NUAK1: variants seen among roughly 807,000 people sequenced by gnomAD.
NUAK1 encodes NUAK family kinase 1.
A neutral mutation model predicts 56.9 loss-of-function variants in NUAK1; 26 were observed. The ratio of observed to expected loss-of-function variants is 0.46; its 90% confidence interval spans 0.33 to 0.63. The LOEUF (loss-of-function observed/expected upper bound fraction) is 0.63, where lower values mean the gene tolerates loss of function less well. Ranked by LOEUF, NUAK1 falls within the 30% of genes least tolerant of loss-of-function variation. The probability of loss-of-function intolerance (pLI) is 0.02; values close to 1 mark genes in which losing one functional copy is unlikely to be tolerated. For missense variants in NUAK1, 727 were observed against 876.1 expected, an observed-to-expected ratio of 0.83 and a Z score of 2.15; for synonymous variants, 337 against 336.0, an observed-to-expected ratio of 1.00 and a Z score of -0.03.
chr12:106,116,976 G>C (rs1039488579), intron 1 of NUAK1, among the ~76,000 whole-genome samples: 1 of 152,150 alleles, frequency 6.6e-6, no homozygotes, highest in Non-Finnish European at 1.5e-5. Context: ...TTCTGGATAA[G>C]GCATTGATCC....
chr12:106,085,496 GT>G (rs1413039927), intron 3 of NUAK1, among the ~76,000 whole-genome samples: 2 of 152,192 alleles, frequency 1.3e-5, no homozygotes, highest in African/African-American at 2.4e-5. Flanking sequence ...AGTTGACTCT[GT>G]TTTGGATGCC....
chr12:106,130,373 C>G (rs2033065221), intron 1 of NUAK1, among the ~76,000 whole-genome samples: 1 of 152,232 alleles, frequency 6.6e-6, no homozygotes, highest in Admixed American at 6.5e-5. Context: ...TTCTAGGTAT[C>G]TCAATGGCAG....
chr12:106,137,262 A>G (rs2033138894), intron 1 of NUAK1, among the ~76,000 whole-genome samples: 1 of 152,100 alleles, frequency 6.6e-6, no homozygotes, highest in African/African-American at 2.4e-5. Context: ...CTAAGCTGCT[A>G]TTTTATTTGA....
At chr12:106,070,207 G>A (rs1488567860) in intron 6 of NUAK1, among the ~76,000 whole-genome samples, 1 of 152,212 alleles carries the variant, frequency 6.6e-6, no homozygotes, top group Non-Finnish European at 1.5e-5. Context: ...TACAACTGTA[G>A]GAGAGGAAGG....
intron 1 of NUAK1, among the ~76,000 whole-genome samples, chr12:106,137,225 C>T (rs1335266559): frequency 6.6e-6 from 1 of 152,048 alleles, no homozygotes; most frequent in African/African-American, 2.4e-5. Flanking sequence ...ACTGTTCCTG[C>T]CGAAATGCAA....
At chr12:106,091,807 A>C (rs2436597) in intron 2 of NUAK1, among the ~76,000 whole-genome samples, 74,850 of 151,960 alleles carry the variant, frequency 0.49, 18,464 homozygotes, top group African/African-American at 0.57. Context: ...AGAATAGTTA[A>C]TATTTATTGA....
intron 2 of NUAK1, among the ~76,000 whole-genome samples, chr12:106,103,557 T>C (rs2032769600): frequency 6.6e-6 from 1 of 152,164 alleles, no homozygotes; most frequent in South Asian, 2.1e-4. Flanking sequence ...TATCAAAAAA[T>C]TCCTTCAAGA....
intron 1 of NUAK1, among the ~76,000 whole-genome samples, chr12:106,134,278 C>T (rs1158976232): frequency 6.6e-6 from 1 of 152,242 alleles, no homozygotes; most frequent in Non-Finnish European, 1.5e-5. Flanking sequence ...GTGCATGTGA[C>T]GTCAACACAC....
chr12:106,084,108 A>C (rs1592851140), intron 3 of NUAK1, 179 bp from the exon 4 acceptor site: 1 of 599,792 alleles, frequency 1.7e-6, no homozygotes, highest in Non-Finnish European at 3.0e-6. Context: ...CTCCCCCGCC[A>C]GCGACCAACC....
intron 2 of NUAK1, among the ~76,000 whole-genome samples, chr12:106,088,056 C>T (rs1028318063): frequency 2.6e-5 from 4 of 152,158 alleles, no homozygotes; most frequent in South Asian, 2.1e-4. Flanking sequence ...GCTCTCTAGC[C>T]GTTATGTTCA....
chr12:106,128,128 C>CTTT lies in NUAK1; in HGVS notation c.240+10283_240+10285dup, dbSNP rs199595148. 3.4e-3 allele frequency among the ~76,000 whole-genome samples: 461 copies of CTTT among 136,186 alleles called. 21 individuals are homozygous for CTTT. The highest frequency in any genetic ancestry group is 9.6e-3 in the African/African-American group (340 of 35,372). 89.3% of individuals were successfully genotyped at this position (136,186 alleles called of 152,430 possible). On this transcript the variant is annotated intron_variant, in intron 1 of 6. Transcript: ENST00000261402. ...AGCCTAGCTCCAAATTCTCTCTTTTCTTTTTCTTTTTTTTTTTTTTTGACA... is the reference window on the plus strand; with the variant it reads ...AGCCTAGCTCCAAATTCTCTCTTTTCTTTTTTTTCTTTTTTTTTTTTTTTGACA...
At chr12:106,084,086 A>G (rs1293475488) in intron 3 of NUAK1, 157 bp from the exon 4 acceptor site, 2 of 639,958 alleles carry the variant, frequency 3.1e-6, no homozygotes, top group African/African-American at 1.8e-5. Flanking sequence ...GGCTGCTCTC[A>G]CTGTCTTGAC....
chr12:106,110,831 G>T (rs2032851451), intron 1 of NUAK1, among the ~76,000 whole-genome samples: 1 of 152,224 alleles, frequency 6.6e-6, no homozygotes, highest in South Asian at 2.1e-4. Flanking sequence ...ATCCCGCCCT[G>T]CAGTGCCTGC....
At position 106,086,798 on chromosome 12, in the gene NUAK1, A is replaced by G; in HGVS notation, c.449T>C (p.Leu150Pro). 1 of 1,614,160 alleles carries G rather than the reference A, an allele frequency of 6.2e-7. No homozygotes were observed. The highest frequency in any genetic ancestry group is 8.5e-7 in the Non-Finnish European group (1 of 1,180,006). ...LYDYISERRRLSERETRHFFR... is the reference protein window; with the variant it reads ...LYDYISERRRPSERETRHFFR... ...GAAGTGCCGGGTCTCCCTCTCACTG[A>G]GGCGTCGCCGCTCACTGATGTAATC... The change falls in exon 3 of 7, where the codon CTC (leucine) becomes CCC (proline). Residue 150 changes from leucine (L) to proline (P), a missense_variant. Coordinates refer to ENST00000261402, the MANE Select transcript of NUAK1 (RefSeq NM_014840.3).
intron 1 of NUAK1, among the ~76,000 whole-genome samples, chr12:106,109,157 T>C (rs1031514852): frequency 1.3e-5 from 2 of 152,184 alleles, no homozygotes; most frequent in African/African-American, 4.8e-5. Flanking sequence ...AGGGAAGACA[T>C]TCAGCTCTAC....
chr12:106,132,869 C>T (rs2033093159), intron 1 of NUAK1, among the ~76,000 whole-genome samples: 1 of 152,166 alleles, frequency 6.6e-6, no homozygotes, highest in African/African-American at 2.4e-5. Flanking sequence ...GCTCAGACCC[C>T]TCTAGAGGAA....
chr12:106,136,032 G>C (rs1280281175), intron 1 of NUAK1, among the ~76,000 whole-genome samples: 1 of 152,192 alleles, frequency 6.6e-6, no homozygotes, highest in African/African-American at 2.4e-5. Flanking sequence ...TCAGCAGGGG[G>C]AGGACGGGGG....
intron 4 of NUAK1, among the ~76,000 whole-genome samples, chr12:106,077,681 G>C (rs2032477997): frequency 6.6e-6 from 1 of 152,120 alleles, no homozygotes; most frequent in South Asian, 2.1e-4. Context: ...CTGGCCCACG[G>C]ACCAGCAGCA....
intron 1 of NUAK1, among the ~76,000 whole-genome samples, chr12:106,109,763 C>T (rs1057408408): frequency 3.3e-5 from 5 of 152,098 alleles, no homozygotes; most frequent in Non-Finnish European, 4.4e-5. Context: ...TCTCATTCAT[C>T]TAGTAGAGAA....
Sources: allele counts gnomAD v4.1 joint callset (sites outside exome capture counted in the v4.1 genomes callset), GRCh38; gene constraint gnomAD v4.1.1; transcripts MANE v1.5; gene names NCBI Gene and HGNC (gene_info 2026-07-23, HGNC 2026-07-21).